Variants in ITPR2 observed in about 807,000 individuals in gnomAD.
The protein encoded by ITPR2 is inositol 1,4,5-trisphosphate receptor type 2.
Under a neutral mutation model 317.1 loss-of-function variants are expected in ITPR2, and 207 were observed. The observed-to-expected ratio is 0.65, with a 90% confidence interval of 0.58 to 0.73. The LOEUF (loss-of-function observed/expected upper bound fraction) is 0.73, where lower values mean the gene tolerates loss of function less well. ITPR2 is among the 30% of genes least tolerant of loss of function. The pLI, the probability that ITPR2 is intolerant of heterozygous loss-of-function variation, is 0.00. For missense variants in ITPR2, 2,613 were observed against 3,284.0 expected (o/e 0.80, Z 4.99); for synonymous variants, 1,156 against 1,149.1 (o/e 1.01, Z -0.12).
intron 37 of ITPR2, among the ~76,000 whole-genome samples, chr12:26,498,483 T>C (rs1311184921): frequency 1.3e-5 from 2 of 152,232 alleles, no homozygotes; most frequent in African/African-American, 4.8e-5. Flanking sequence ...ACTCTCATTA[T>C]AGTAGAAGGA....
At chr12:26,393,223 A>G (rs376028475) in intron 54 of ITPR2, among the ~76,000 whole-genome samples, 4 of 152,298 alleles carry the variant, frequency 2.6e-5, no homozygotes, top group South Asian at 4.2e-4. Context: ...ATTTGGTACT[A>G]TGTCCTTCTT....
intron 45 of ITPR2, among the ~76,000 whole-genome samples, chr12:26,463,579 T>C (rs1441040714): frequency 6.6e-6 from 1 of 151,872 alleles, no homozygotes; most frequent in African/African-American, 2.4e-5. Flanking sequence ...GCAGGAGAAT[T>C]GCTTGAACCA....
At chr12:26,486,621 G>A (rs1942675760) in intron 40 of ITPR2, among the ~76,000 whole-genome samples, 1 of 152,100 alleles carries the variant, frequency 6.6e-6, no homozygotes, top group Non-Finnish European at 1.5e-5. Flanking sequence ...TCATGTATAT[G>A]AGTTTCATAT....
intron 21 of ITPR2, among the ~76,000 whole-genome samples, chr12:26,651,261 T>C (rs911253771): frequency 1.3e-5 from 2 of 152,208 alleles, no homozygotes; most frequent in Non-Finnish European, 2.9e-5. Context: ...TTTCAGCCTC[T>C]TTCCCTCTCA....
rs1565650994 is a variant in ITPR2 at position 26,628,145 on chromosome 12, T to A, written c.2952A>T (p.Arg984Ser). The A allele has an allele frequency of 3.7e-6, 6 of 1,602,420 alleles. No homozygotes were observed. Among genetic ancestry groups the A allele is most frequent in the Middle Eastern group, 1.7e-4 (1 of 6,024 alleles). ...IEILQFILSV[R>S]LDYRISYMLS... ...GCATATATGAGATCCTATAATCCAG[T>A]CTGACACTCAGGATAAACTATAAGA... The change falls in exon 23 of 57, where the codon AGA (arginine) becomes AGT (serine). Residue 984 changes from arginine to serine, a missense_variant. Around this residue, in one of 9 missense-constraint regions of ITPR2, gnomAD observed 817 missense variants for 897.6 expected, o/e 0.91. Transcript: ENST00000381340.
At chr12:26,451,025 C>G (rs1320513956) in intron 45 of ITPR2, among the ~76,000 whole-genome samples, 2 of 152,090 alleles carry the variant, frequency 1.3e-5, no homozygotes, top group East Asian at 1.9e-4. Flanking sequence ...CCCTTGTTCC[C>G]TAGTCAAACA....
Position 26,602,631 on chromosome 12 carries a change from G to A in ITPR2, c.3538C>T (p.Arg1180Trp), listed in dbSNP as rs749023151. 3.2e-5 allele frequency: 51 copies of A among 1,609,090 alleles called. No individual in the cohort carries two copies. The East Asian group carries it at 5.8e-4, about 18-fold the overall frequency. ...QIDSNKSNNY[R>W]IVKEILIRLS... ...TATCTGCCGACCTCCTTTACAATCC[G>A]GTAGTTATTGCTCTTGTTGCTGTCA... Residue 1180 changes from arginine to tryptophan, a missense_variant, in exon 27 of 57, where the codon CGG becomes TGG. Transcript: ENST00000381340.
intron 1 of ITPR2, among the ~76,000 whole-genome samples, chr12:26,791,350 TG>T (rs897897819): frequency 2.6e-5 from 4 of 151,164 alleles, no homozygotes; most frequent in African/African-American, 7.3e-5. Context: ...TAAAGGGAGA[TG>T]CCCAAATTGC....
chr12:26,374,224 GACA>G (rs1234536248), intron 55 of ITPR2, among the ~76,000 whole-genome samples: 4 of 152,202 alleles, frequency 2.6e-5, no homozygotes, highest in African/African-American at 9.6e-5. Flanking sequence ...GTTTGTGTCA[GACA>G]ACAATATAGG....
At chr12:26,753,290 C>T (rs770782321) in intron 2 of ITPR2, among the ~76,000 whole-genome samples, 2 of 152,260 alleles carry the variant, frequency 1.3e-5, no homozygotes, top group East Asian at 1.9e-4. Context: ...TGCCTAAGAA[C>T]GGATTTGACA....
At position 26,769,694 on chromosome 12, in the gene ITPR2, C is replaced by G. The variant is rs763675008; in HGVS notation, c.163+20463G>C. 3.4e-4 allele frequency among the ~76,000 whole-genome samples: 52 copies of G among 151,860 alleles called. 1 individual carries two copies. Among genetic ancestry groups the G allele is most frequent in the Admixed American group, 2.7e-3 (41 of 15,234 alleles). ...AAAATAATAAATATTTATATAATAC[C>G]CTCCTTCTCAGTGGAGACACTTTAT... is the stretch of plus-strand genomic sequence containing the variant. On this transcript the variant is annotated intron_variant, in intron 2 of 56. Coordinates refer to ENST00000381340, the MANE Select transcript of ITPR2 (RefSeq NM_002223.4).
intron 2 of ITPR2, among the ~76,000 whole-genome samples, chr12:26,742,194 A>T (rs1015669349): frequency 1.2e-4 from 19 of 152,372 alleles, no homozygotes; most frequent in Admixed American, 1.1e-3. Flanking sequence ...CACACAAAGC[A>T]TGTCACAGGA....
rs187187161 is a variant in ITPR2 at position 26,656,338 on chromosome 12, G to A, written c.2403C>T (p.Ala801=). 1.2e-6 allele frequency: 2 copies of A among 1,614,180 alleles called. No homozygotes were observed. Among genetic ancestry groups the A allele is most frequent in the Admixed American group, 3.3e-5 (2 of 60,030 alleles). ...PQESVVPVRY[A]RLWTEIPTKI... Reference sequence around the variant, plus strand: ...TTGTGGGGATTTCTGTCCAGAGCCTGGCATAGCGAACAGGCACCACGGACT... The same window carrying A: ...TTGTGGGGATTTCTGTCCAGAGCCTAGCATAGCGAACAGGCACCACGGACT... Residue 801 remains alanine, a synonymous_variant, in exon 19 of 57, where the codon GCC becomes GCT. Transcript: ENST00000381340.
At chr12:26,475,854 C>T (rs1007279663) in intron 44 of ITPR2, among the ~76,000 whole-genome samples, 8 of 152,126 alleles carry the variant, frequency 5.3e-5, no homozygotes, top group East Asian at 1.9e-4. Context: ...GCGGTGCCAT[C>T]GGTCCTAATC....
chr12:26,690,694 G>C (rs1474981037), intron 10 of ITPR2, among the ~76,000 whole-genome samples: 1 of 152,086 alleles, frequency 6.6e-6, no homozygotes, highest in African/African-American at 2.4e-5. Context: ...TACACTCCTT[G>C]GTAATGTCTC....
At chr12:26,436,872 T>C (rs1941364815) in intron 47 of ITPR2, among the ~76,000 whole-genome samples, 1 of 152,210 alleles carries the variant, frequency 6.6e-6, no homozygotes, top group South Asian at 2.1e-4. Context: ...GTATTCCTGA[T>C]GGGGAACTAG....
At chr12:26,528,396 T>C (rs11613811) in intron 37 of ITPR2, among the ~76,000 whole-genome samples, 23,094 of 152,230 alleles carry the variant, frequency 0.15, 2,407 homozygotes, top group Non-Finnish European at 0.23. Context: ...ACACTGCATC[T>C]ATCCCAGAAA....
intron 26 of ITPR2, among the ~76,000 whole-genome samples, chr12:26,615,626 AG>A (rs1946357802): frequency 6.6e-6 from 1 of 152,082 alleles, no homozygotes; most frequent in Non-Finnish European, 1.5e-5. Context: ...CAGCAATGGA[AG>A]CCAGAAGACA....
intron 2 of ITPR2, among the ~76,000 whole-genome samples, chr12:26,740,478 T>G (rs1455458736): frequency 6.6e-6 from 1 of 152,176 alleles, no homozygotes; most frequent in African/African-American, 2.4e-5. Flanking sequence ...CAGATCAACA[T>G]AAACACTGAA....
Sources: gnomAD v4.1 joint callset for allele counts (sites outside exome capture counted in the v4.1 genomes callset) on GRCh38, gnomAD v4.1.1 for gene constraint, gnomAD v4.1.1 regional missense constraint, MANE v1.5 for transcripts, NCBI Gene and HGNC (gene_info 2026-07-23, HGNC 2026-07-21) for gene names.